CELF4: variants seen among roughly 807,000 people sequenced by gnomAD.
CELF4 encodes CUG-BP- and ETR-3-like factor 4.
Under a neutral mutation model 59.9 loss-of-function variants are expected in CELF4, and 18 were observed. The observed-to-expected ratio is 0.30, with a 90% CI of 0.21 to 0.45. The LOEUF (loss-of-function observed/expected upper bound fraction) is 0.45, where lower values mean the gene tolerates loss of function less well. Among genes scored for constraint, CELF4 ranks in the 20% least tolerant of loss-of-function variants. CELF4 has a pLI of 1.00. For synonymous variants in CELF4, 261 were observed against 267.1 expected (o/e 0.98, Z 0.22); for missense variants, 456 against 689.0 (o/e 0.66, Z 3.79).
intron 3 of CELF4, among the ~76,000 whole-genome samples, chr18:37,309,974 C>T (rs146737022): frequency 1.3e-4 from 20 of 151,492 alleles, no homozygotes; most frequent in African/African-American, 4.4e-4. Context: ...TTCACATGCT[C>T]AATATAGCTG....
intron 2 of CELF4, among the ~76,000 whole-genome samples, chr18:37,439,404 T>C (rs2099704496): frequency 6.6e-6 from 1 of 152,176 alleles, no homozygotes; most frequent in Non-Finnish European, 1.5e-5. Context: ...TGTGTGCATG[T>C]ATGCATGCAT....
intron 1 of CELF4, among the ~76,000 whole-genome samples, chr18:37,534,280 TG>T (rs1292202544): frequency 6.6e-6 from 1 of 152,116 alleles, no homozygotes; most frequent in Non-Finnish European, 1.5e-5. Flanking sequence ...GGCTGCATAC[TG>T]GGTGCTGGGG....
At chr18:37,429,760 G>A (rs1454168947) in intron 2 of CELF4, among the ~76,000 whole-genome samples, 1 of 151,362 alleles carries the variant, frequency 6.6e-6, no homozygotes, top group Non-Finnish European at 1.5e-5. Context: ...GCTTCCGTTT[G>A]GCCTTGCGCA....
At chr18:37,417,579 C>T (rs1029789208) in intron 2 of CELF4, among the ~76,000 whole-genome samples, 1 of 152,232 alleles carries the variant, frequency 6.6e-6, no homozygotes, top group African/African-American at 2.4e-5. Context: ...CTGCAGTGAT[C>T]CAGTGAGGTG....
At chr18:37,307,736 C>T (rs1446990709) in intron 3 of CELF4, among the ~76,000 whole-genome samples, 1 of 151,974 alleles carries the variant, frequency 6.6e-6, no homozygotes, top group Non-Finnish European at 1.5e-5. Context: ...CAGCCAGGTT[C>T]TGTGGAAGGC....
intron 2 of CELF4, among the ~76,000 whole-genome samples, chr18:37,358,207 G>T (rs1326023470): frequency 6.6e-6 from 1 of 152,198 alleles, no homozygotes; most frequent in East Asian, 1.9e-4. Context: ...GAGGGACCCG[G>T]TGGGAGGTAA....
intron 2 of CELF4, among the ~76,000 whole-genome samples, chr18:37,461,384 A>T (rs1452817429): frequency 6.6e-6 from 1 of 152,190 alleles, no homozygotes; most frequent in African/African-American, 2.4e-5. Flanking sequence ...GGGGAAGCAA[A>T]CTCGTTCTTC....
intron 2 of CELF4, among the ~76,000 whole-genome samples, chr18:37,347,730 G>T: frequency 6.6e-6 from 1 of 152,096 alleles, no homozygotes; most frequent in East Asian, 1.9e-4. Flanking sequence ...GGTACCCAAG[G>T]ACTTGGGTAC....
intron 2 of CELF4, among the ~76,000 whole-genome samples, chr18:37,346,729 T>G (rs1468898242): frequency 6.6e-6 from 1 of 151,088 alleles, no homozygotes; most frequent in Non-Finnish European, 1.5e-5. Context: ...GTGGAAGGGG[T>G]TTGGGCAATG....
intron 1 of CELF4, 45 bp from the exon 2 acceptor site, chr18:37,485,652 C>T (rs1419427296): frequency 1.6e-6 from 2 of 1,281,528 alleles, no homozygotes; most frequent in Non-Finnish European, 2.0e-6. Context: ...GGGGCGCCCC[C>T]GGGCCCGCCG....
At chr18:37,275,420 C>G (rs2154364127) in intron 3 of CELF4, among the ~76,000 whole-genome samples, 177 bp from the exon 4 acceptor site, 1 of 145,458 alleles carries the variant, frequency 6.9e-6, no homozygotes, top group South Asian at 2.3e-4. Flanking sequence ...TTAGTCGGAG[C>G]GGGAGGGGCG....
intron 1 of CELF4, among the ~76,000 whole-genome samples, chr18:37,504,845 G>A (rs762231664): frequency 6.6e-6 from 1 of 152,210 alleles, no homozygotes; most frequent in Non-Finnish European, 1.5e-5. Flanking sequence ...ATCTAATTTG[G>A]CATCTACAGA....
intron 1 of CELF4, among the ~76,000 whole-genome samples, chr18:37,530,545 AC>A (rs901566919): frequency 1.5e-4 from 23 of 151,890 alleles, no homozygotes; most frequent in African/African-American, 5.3e-4. Flanking sequence ...CACTCCCCCT[AC>A]CCCCTGCCAC....
At chr18:37,413,011 G>A (rs556997732) in intron 2 of CELF4, among the ~76,000 whole-genome samples, 4 of 152,228 alleles carry the variant, frequency 2.6e-5, no homozygotes, top group South Asian at 2.1e-4. Context: ...TCCCCTCCCC[G>A]CCCAGGCTGT....
chr18:37,552,103 A>G (rs935876191), intron 1 of CELF4, among the ~76,000 whole-genome samples: 5 of 152,178 alleles, frequency 3.3e-5, no homozygotes, highest in African/African-American at 1.2e-4. Flanking sequence ...CAGTGCCCCT[A>G]CCTGACTACT....
At chr18:37,468,977 C>T (rs567497043) in intron 2 of CELF4, among the ~76,000 whole-genome samples, 40 of 152,290 alleles carry the variant, frequency 2.6e-4, no homozygotes, top group African/African-American at 7.9e-4. Context: ...CAAACCATAT[C>T]ACCTGTCCTG....
intron 1 of CELF4, among the ~76,000 whole-genome samples, chr18:37,557,850 G>A (rs2099985259): frequency 6.6e-6 from 1 of 152,116 alleles, no homozygotes; most frequent in Non-Finnish European, 1.5e-5. Context: ...TTGTTCCTGA[G>A]CTGAGCTGCG....
intron 2 of CELF4, among the ~76,000 whole-genome samples, chr18:37,380,896 T>G (rs879274939): frequency 5.4e-5 from 8 of 149,146 alleles, no homozygotes; most frequent in Non-Finnish European, 1.0e-4. Context: ...TATCCATCAT[T>G]CATCCATCCA....
rs1165084897 is a variant in CELF4 at position 37,243,744 on chromosome 18, C to CT, written c.*1497dup. On this transcript the variant is annotated 3_prime_UTR_variant, in exon 13 of 13. Coordinates refer to ENST00000420428, the MANE Select transcript of CELF4 (RefSeq NM_020180.4). The stretch of plus-strand genomic sequence containing the variant: ...TCAAAGATTGTTTATTTTTCTCTCT[C>CT]TTTTTTAAGGTTTTGTGTGTGTGTG... 13 of 154,006 alleles carry CT rather than the reference C, an allele frequency of 8.4e-5. No homozygotes were observed. Among genetic ancestry groups the CT allele is most frequent in the African/African-American group, 2.9e-4 (12 of 41,490 alleles). 9.5% of individuals were successfully genotyped at this position (154,006 alleles called of 1,614,324 possible).
Sources: gnomAD v4.1 joint callset for allele counts (sites outside exome capture counted in the v4.1 genomes callset) on GRCh38, gnomAD v4.1.1 for gene constraint, MANE v1.5 for transcripts, NCBI Gene and HGNC (gene_info 2026-07-23, HGNC 2026-07-21) for gene names.